Variants in SMG5 observed in about 807,000 individuals in gnomAD.
SMG5 encodes nonsense-mediated mRNA decay factor SMG5.
SMG5 carries 53 observed loss-of-function variants against 122.9 expected under a neutral mutation model. The ratio of observed to expected loss-of-function variants is 0.43; its 90% CI spans 0.35 to 0.54. The LOEUF (loss-of-function observed/expected upper bound fraction) is 0.54, where lower values mean the gene tolerates loss of function less well. Ranked by LOEUF, SMG5 falls within the 20% of genes least tolerant of loss-of-function variation. The pLI is 0.01. For synonymous variants in SMG5, 477 were observed against 490.2 expected (o/e 0.97, Z 0.35); for missense variants, 1,153 against 1,285.6 (o/e 0.90, Z 1.58).
At chr1:156,291,499 G>T in the SMG5 span, 63 of 1,612,624 alleles carry the variant, frequency 3.9e-5, no homozygotes, top group East Asian at 1.3e-3. Flanking sequence ...ACATGTTCGT[G>T]GTGGAGCCGG....
rs1662242752 is a variant in SMG5, at chr1:156,268,162, C to A, written c.861G>T (p.Leu287Phe). The stretch of plus-strand genomic sequence containing the variant: ...TTTGCAGATACATAAAGTTCACTAG[C>A]AACCTTTTAATGTCTTTACATCTGA... ...GKKRCKDIKR[L>F]LVNFMYLQSL... Residue 287 changes from leucine to phenylalanine, a missense_variant, in exon 9 of 22, where the codon TTG becomes TTT. Physicochemically the swap from Leu to Phe is conservative, Grantham distance 22 (BLOSUM62 0). Transcript: ENST00000361813. 1 of 1,614,180 alleles carries A rather than the reference C, an allele frequency of 6.2e-7. No individual in the cohort carries two copies. Among genetic ancestry groups the A allele is most frequent in the African/African-American group, 1.3e-5 (1 of 75,028 alleles).
chr1:156,275,813 T>A (rs1177001986), intron 4 of SMG5, among the ~76,000 whole-genome samples: 1 of 146,840 alleles, frequency 6.8e-6, no homozygotes, highest in Non-Finnish European at 1.5e-5. Flanking sequence ...GATAATGTGG[T>A]GGTTTTTTTT....
chr1:156,263,510 T>C lies in SMG5; in HGVS notation c.1916A>G (p.Glu639Gly). The C allele has an allele frequency of 1.2e-6, 2 of 1,614,246 alleles. No individual in the cohort carries two copies. The highest frequency in any genetic ancestry group is 1.7e-6 in the Non-Finnish European group (2 of 1,180,050). Reference protein sequence around the residue: ...SESSGRSCRNERSIQEKLQVL... With the variant: ...SESSGRSCRNGRSIQEKLQVL... ...CTGAAGCTTCTCCTGGATGCTGCGC[T>C]CATTCCGACAGGAGCGTCCACTGGA... Residue 639 changes from glutamate (E) to glycine (G), a missense_variant, in exon 13 of 22, where the codon GAG becomes GGG. Glu to Gly is a moderately conservative substitution (Grantham distance 98). Transcript: ENST00000361813.
At chr1:156,282,965 C>G, upstream of SMG5, 1 of 532,134 alleles carries the variant, frequency 1.9e-6, no homozygotes, top group Non-Finnish European at 3.3e-6. Context: ...TGGCGTCTTT[C>G]CGGCTTCTCC....
chr1:156,288,457 C>T, the SMG5 span, among the ~76,000 whole-genome samples: 2 of 151,992 alleles, frequency 1.3e-5, no homozygotes, highest in East Asian at 3.9e-4. Context: ...GCCTCAGCCC[C>T]CCGAGTAGCT....
chr1:156,285,257 G>C (rs1415028800), upstream of SMG5: 5 of 1,553,116 alleles, frequency 3.2e-6, no homozygotes, highest in South Asian at 6.2e-5. Context: ...GGCCCTACTG[G>C]AAGTGAAGAG....
In SMG5 at chr1:156,265,091, T is replaced by C. The variant is rs1662063136; in HGVS notation, c.1855+690A>G. Among the ~76,000 whole-genome samples the C allele has an allele frequency of 2.1e-5, 3 of 145,680 alleles. No individual in the cohort carries two copies. The South Asian group carries it at 6.6e-4, about 32-fold the overall frequency. On this transcript the variant is annotated intron_variant, in intron 12 of 21. Transcript: ENST00000361813. ...CACACACAAAAGCCGGGCATGGTAG[T>C]GCATGCCTGTCATCCCAGCTACTCA...
intron 20 of SMG5, 82 bp downstream of exon 20, chr1:156,251,321 C>G: frequency 2.0e-6 from 3 of 1,498,834 alleles, no homozygotes; most frequent in East Asian, 4.5e-5. Context: ...AATTATCCAG[C>G]CCTACCCGTT....
At position 156,282,664 on chromosome 1, in the gene SMG5, G is replaced by C; in HGVS notation, c.17C>G (p.Pro6Arg). The C allele has an allele frequency of 6.2e-7, 1 of 1,605,814 alleles. No homozygotes were observed. The highest frequency in any genetic ancestry group is 1.1e-5 in the South Asian group (1 of 90,850). The stretch of plus-strand genomic sequence containing the variant: ...TTCGGGCTCGCTGCTCTCCCCTGTG[G>C]GGGGGCCTTGGCTCATGGTGCCCGG... MSQGP[P>R]TGESSEPEAK... Residue 6 changes from proline (P) to arginine (R), a missense_variant, in exon 1 of 22, where the codon CCC (proline) becomes CGC (arginine). Pro to Arg is a moderately radical substitution (Grantham distance 103). Transcript: ENST00000361813.
chr1:156,278,069 TGAGA>T, intron 2 of SMG5, 21 bp from the exon 3 acceptor site: 2 of 1,612,868 alleles, frequency 1.2e-6, no homozygotes, highest in South Asian at 1.1e-5. Context: ...TAGAGGAGCA[TGAGA>T]GAGACAGCCC....
chr1:156,286,998 C>T (rs1663187159), upstream of SMG5, among the ~76,000 whole-genome samples: 1 of 152,070 alleles, frequency 6.6e-6, no homozygotes, highest in Non-Finnish European at 1.5e-5. Flanking sequence ...TGGTGCACAC[C>T]TGTAGTCCCA....
At chr1:156,278,649 G>A (rs1229253563) in intron 2 of SMG5, among the ~76,000 whole-genome samples, 1 of 152,094 alleles carries the variant, frequency 6.6e-6, no homozygotes. Context: ...TTACAAACGT[G>A]AGCCACTGTG....
At chr1:156,251,142 T>C (rs1661328951) in intron 20 of SMG5, 146 bp from the exon 21 acceptor site, 1 of 1,146,410 alleles carries the variant, frequency 8.7e-7, no homozygotes, top group South Asian at 1.4e-5. Context: ...TGGAGACATA[T>C]GGGGAGCAGG....
chr1:156,257,595 T>C (rs1661639155), intron 16 of SMG5, among the ~76,000 whole-genome samples: 1 of 152,190 alleles, frequency 6.6e-6, no homozygotes, highest in South Asian at 2.1e-4. Context: ...TTCCCCATAA[T>C]TATTTTTGTA....
In SMG5 at chr1:156,268,292, C is replaced by T; in HGVS notation, c.837G>A (p.Lys279=). ...CETRKLSPGK[K]RCKDIKRLLV... The stretch of plus-strand genomic sequence containing the variant: ...TCCTCCTCACAGGCCCCACTCACCG[C>T]TTTTTGCCAGGAGACAGTTTCCGAG... Residue 279 remains lysine (K), a splice_region_variant and synonymous_variant, in exon 8 of 22, where the codon AAG becomes AAA. Transcript: ENST00000361813. The T allele has an allele frequency of 1.9e-6, 3 of 1,614,168 alleles. No homozygotes were observed. Among genetic ancestry groups the T allele is most frequent in the Non-Finnish European group, 2.5e-6 (3 of 1,180,016 alleles).
At chr1:156,263,637 A>G in intron 12 of SMG5, 67 bp from the exon 13 acceptor site, 1 of 1,543,636 alleles carries the variant, frequency 6.5e-7, no homozygotes, top group Non-Finnish European at 8.8e-7. Flanking sequence ...AACAGGCCTC[A>G]GCTCTGTGCA....
At chr1:156,258,913 T>C in intron 16 of SMG5, 92 bp downstream of exon 16, 1 of 1,500,400 alleles carries the variant, frequency 6.7e-7, no homozygotes, top group Non-Finnish European at 9.0e-7. Context: ...GTCCTTCAGG[T>C]GGAGACCACC....
intron 5 of SMG5, among the ~76,000 whole-genome samples, chr1:156,274,359 C>G (rs1183629699): frequency 1.3e-5 from 2 of 152,162 alleles, no homozygotes; most frequent in Non-Finnish European, 2.9e-5. Context: ...GAATTATTAT[C>G]TTCATTTGCT....
At position 156,282,601 on chromosome 1, in the gene SMG5, T is replaced by A. The variant is rs1249556201; in HGVS notation, c.74+6A>T. On this transcript the variant is annotated splice_donor_region_variant and intron_variant, in intron 1 of 21. Transcript: ENST00000361813. ...GTGGCTGCTCTCACGCCCTGGCCCCTCTCACCGGTAAAGCCGCTTAGTGTG... is the reference window on the plus strand; with the variant it reads ...GTGGCTGCTCTCACGCCCTGGCCCCACTCACCGGTAAAGCCGCTTAGTGTG... 6.2e-7 allele frequency: 1 copy of A among 1,602,548 alleles called. No homozygotes were observed. The highest frequency in any genetic ancestry group is 8.5e-7 in the Non-Finnish European group (1 of 1,176,442).
Sources: allele counts gnomAD v4.1 joint callset (sites outside exome capture counted in the v4.1 genomes callset), GRCh38; gene constraint gnomAD v4.1.1; transcripts MANE v1.5; gene names NCBI Gene and HGNC (gene_info 2026-07-23, HGNC 2026-07-21).